SH3BP5: variants seen among roughly 807,000 people sequenced by gnomAD.
SH3BP5 encodes SH3 domain-binding protein 5.
Under a neutral mutation model 43.3 loss-of-function variants are expected in SH3BP5, and 22 were observed. The ratio of observed to expected loss-of-function variants is 0.51; its 90% CI spans 0.36 to 0.73. The LOEUF is 0.73. Among genes scored for constraint, SH3BP5 ranks in the 30% least tolerant of loss-of-function variants. The probability of loss-of-function intolerance (pLI) is 0.00; values close to 1 mark genes in which losing one functional copy is unlikely to be tolerated. For synonymous variants in SH3BP5, 255 were observed against 225.8 expected (o/e 1.13, Z -1.16); for missense variants, 529 against 586.9 (o/e 0.90, Z 1.02).
intron 3 of SH3BP5, among the ~76,000 whole-genome samples, chr3:15,289,609 G>A (rs1347207354): frequency 5.3e-5 from 8 of 152,146 alleles, no homozygotes; most frequent in African/African-American, 1.2e-4. Context: ...TGTTGCTTAC[G>A]ATCAAACATA....
intron 2 of SH3BP5, among the ~76,000 whole-genome samples, chr3:15,323,674 C>T (rs187815610): frequency 1.3e-5 from 2 of 151,974 alleles, no homozygotes; most frequent in Admixed American, 1.3e-4. Flanking sequence ...GATGTCAAGA[C>T]AGCTGTCTTC....
At chr3:15,332,799 C>T (rs535803599), upstream of SH3BP5, among the ~76,000 whole-genome samples, 5 of 152,214 alleles carry the variant, frequency 3.3e-5, no homozygotes, top group South Asian at 1.0e-3. Context: ...AACTACGTAA[C>T]GCAAGCCTCC....
intron 3 of SH3BP5, among the ~76,000 whole-genome samples, chr3:15,291,091 G>GA (rs1697399614): frequency 6.6e-6 from 1 of 152,080 alleles, no homozygotes; most frequent in Non-Finnish European, 1.5e-5. Context: ...GGGGTGGACA[G>GA]AAAAAAATAC....
intron 3 of SH3BP5, among the ~76,000 whole-genome samples, chr3:15,297,888 T>A (rs1452889940): frequency 1.3e-5 from 2 of 151,880 alleles, no homozygotes; most frequent in Non-Finnish European, 1.5e-5. Flanking sequence ...AACAAAACCA[T>A]GAGCTAAATA....
intron 3 of SH3BP5, among the ~76,000 whole-genome samples, chr3:15,302,688 C>T (rs564908823): frequency 6.6e-6 from 1 of 152,130 alleles, no homozygotes; most frequent in Non-Finnish European, 1.5e-5. Context: ...TCCTAGATTT[C>T]TGGGACTTAA....
At chr3:15,265,390 C>T (rs902420903) in intron 4 of SH3BP5, among the ~76,000 whole-genome samples, 4 of 151,986 alleles carry the variant, frequency 2.6e-5, no homozygotes, top group Non-Finnish European at 5.9e-5. Context: ...GTGGTTGGTG[C>T]CTGTAGTCCC....
intron 5 of SH3BP5, 62 bp downstream of exon 5, chr3:15,262,097 G>A (rs1696464765): frequency 6.3e-7 from 1 of 1,594,640 alleles, no homozygotes; most frequent in African/African-American, 1.3e-5. Flanking sequence ...ACATACAAAA[G>A]GCTGAGAAGA....
intron 7 of SH3BP5, chr3:15,258,567 C>G: frequency 8.0e-6 from 4 of 498,244 alleles, no homozygotes. Context: ...CTTGAATGTT[C>G]AAATGTATAC....
chr3:15,306,961 C>T (rs1423400028), intron 2 of SH3BP5, among the ~76,000 whole-genome samples: 12 of 152,118 alleles, frequency 7.9e-5, no homozygotes, highest in South Asian at 6.2e-4. Flanking sequence ...GTGTGAGCCA[C>T]GGCACCCAGC....
chr3:15,282,015 C>G (rs1301918727), intron 3 of SH3BP5, among the ~76,000 whole-genome samples: 4 of 151,818 alleles, frequency 2.6e-5, no homozygotes, highest in Admixed American at 2.6e-4. Flanking sequence ...TCCCCTCCCC[C>G]AAAAAAAGCA....
rs535648814 is a variant in SH3BP5, at chr3:15,255,975, A to G, written c.*111T>C. The G allele has an allele frequency of 1.1e-6, 1 of 885,082 alleles. No individual in the cohort carries two copies. The highest frequency in any genetic ancestry group is 1.8e-6 in the Non-Finnish European group (1 of 560,862). The allele number at this position is 885,082 out of a possible 1,614,324, so 54.8% of individuals were successfully genotyped here. ...AAGGTCACTGAAACTTCATTAGAGC[A>G]GTTTAGAGTAGACGTGTAAGATTTG... On this transcript the variant is annotated 3_prime_UTR_variant, in exon 9 of 9. Transcript: ENST00000383791.
At chr3:15,282,417 T>C (rs1553615566) in intron 3 of SH3BP5, among the ~76,000 whole-genome samples, 3 of 152,134 alleles carry the variant, frequency 2.0e-5, no homozygotes, top group African/African-American at 4.8e-5. Flanking sequence ...TTTTCCATAA[T>C]AAAAAAGTTT....
rs1204365988 is a variant in SH3BP5 at position 15,332,451 on chromosome 3, C to T, written c.-43G>A. The T allele has an allele frequency of 6.8e-7, 1 of 1,474,426 alleles. No homozygotes were observed. The highest frequency in any genetic ancestry group is 2.7e-5 in the East Asian group (1 of 36,546). The allele number at this position is 1,474,426 out of a possible 1,614,324, so 91.3% of individuals were successfully genotyped here. A position where few individuals can be genotyped will look rare whatever the true frequency, so the allele number is the denominator to read the frequency against. On this transcript the variant is annotated 5_prime_UTR_variant, in exon 1 of 9. Coordinates refer to ENST00000383791, the MANE Select transcript of SH3BP5 (RefSeq NM_004844.5). ...GCGCCGCGCAGTGGGCTCCGGAGCG[C>T]CCCGGGGGTCGCGGCTGCCACAGGC...
chr3:15,324,458 T>C (rs951923463), intron 2 of SH3BP5, among the ~76,000 whole-genome samples: 6 of 152,198 alleles, frequency 3.9e-5, no homozygotes, highest in Admixed American at 3.3e-4. Context: ...TCCAGGCCAA[T>C]GTTTACTTCA....
chr3:15,278,232 C>T (rs1259077363), intron 3 of SH3BP5, among the ~76,000 whole-genome samples: 3 of 152,222 alleles, frequency 2.0e-5, no homozygotes, highest in Non-Finnish European at 4.4e-5. Context: ...CGGCTAGAAG[C>T]TCATGAAGAA....
chr3:15,258,865 C>A lies in SH3BP5; in HGVS notation c.855G>T (p.Leu285=), dbSNP rs1166490115. 6.2e-7 allele frequency: 1 copy of A among 1,614,184 alleles called. No individual in the cohort carries two copies. The highest frequency in any genetic ancestry group is 2.2e-5 in the East Asian group (1 of 44,882). The change falls in exon 7 of 9, where the codon CTG becomes CTT. Residue 285 remains leucine (L), a synonymous_variant. Coordinates refer to ENST00000383791, the MANE Select transcript of SH3BP5 (RefSeq NM_004844.5). The stretch of plus-strand genomic sequence containing the variant: ...CATCAGGCTCAGGTTTGCTCCCTGG[C>A]AGATCCTCCACAGATGTGCTGCTGC... ...AEGSSTSVED[L]PGSKPEPDAI...
At chr3:15,308,223 G>A (rs1697963883) in intron 2 of SH3BP5, among the ~76,000 whole-genome samples, 1 of 152,148 alleles carries the variant, frequency 6.6e-6, no homozygotes, top group Non-Finnish European at 1.5e-5. Context: ...TGCCTTTGTG[G>A]AGAAAGAAGG....
chr3:15,311,143 T>A (rs552171390), intron 2 of SH3BP5, among the ~76,000 whole-genome samples: 1 of 152,116 alleles, frequency 6.6e-6, no homozygotes, highest in Non-Finnish European at 1.5e-5. Context: ...CTTCAAAAGA[T>A]CCTTACTAAT....
chr3:15,259,444 G>GT (rs1696350233), intron 6 of SH3BP5: 1 of 529,318 alleles, frequency 1.9e-6, no homozygotes, highest in Non-Finnish European at 3.4e-6. Context: ...CAACCTCAGA[G>GT]TTTCTAATTC....
Sources: allele counts gnomAD v4.1 joint callset (sites outside exome capture counted in the v4.1 genomes callset), GRCh38; gene constraint gnomAD v4.1.1; transcripts MANE v1.5; gene names NCBI Gene and HGNC (gene_info 2026-07-23, HGNC 2026-07-21).